HSP90AA1: variants seen among roughly 807,000 people sequenced by gnomAD.
The protein encoded by HSP90AA1 is heat shock protein 90 alpha family class A member 1.
A neutral mutation model predicts 73.3 loss-of-function variants in HSP90AA1; 18 were observed. The ratio of observed to expected loss-of-function variants is 0.25; its 90% CI spans 0.17 to 0.36. The LOEUF is 0.36. HSP90AA1 is among the 10% of genes least tolerant of loss of function. The pLI is 1.00. For missense variants in HSP90AA1, 704 were observed against 874.2 expected, an observed-to-expected ratio of 0.81 and a Z score of 2.45; for synonymous variants, 477 against 296.9, an observed-to-expected ratio of 1.61 and a Z score of -6.24.
intron 1 of HSP90AA1, among the ~76,000 whole-genome samples, chr14:102,103,531 T>C (rs779360443): frequency 5.3e-5 from 8 of 151,474 alleles, no homozygotes; most frequent in Non-Finnish European, 1.0e-4. Context: ...CGGCTGGGTG[T>C]GGTGGCTCAT....
chr14:102,096,403 T>C (rs1036006806), intron 2 of HSP90AA1, among the ~76,000 whole-genome samples: 1 of 152,186 alleles, frequency 6.6e-6, no homozygotes, highest in African/African-American at 2.4e-5. Context: ...ACAGCATTCC[T>C]TTTCATTCAC....
intron 1 of HSP90AA1, among the ~76,000 whole-genome samples, chr14:102,130,794 A>G (rs1256550795): frequency 2.0e-5 from 3 of 152,086 alleles, no homozygotes; most frequent in African/African-American, 7.2e-5. Context: ...TAGTGGTGCA[A>G]TCACAGCTCA....
At chr14:102,107,574 T>G (rs2049585411) in intron 1 of HSP90AA1, among the ~76,000 whole-genome samples, 1 of 152,014 alleles carries the variant, frequency 6.6e-6, no homozygotes, top group Admixed American at 6.6e-5. Context: ...CCACCTGCCT[T>G]GGCCTCCCAA....
rs1390112706 is a variant in HSP90AA1 at position 102,083,021 on chromosome 14, T to C, written c.1755+13A>G. The C allele has an allele frequency of 1.2e-6, 2 of 1,611,556 alleles. No homozygotes were observed. The highest frequency in any genetic ancestry group is 1.7e-6 in the Non-Finnish European group (2 of 1,177,786). ...AGAAGTATCAATGATCAGGAAATGC[T>C]GTATTCACATACCTTTTCAACTTTT... is the stretch of plus-strand genomic sequence containing the variant. On this transcript the variant is annotated intron_variant, in intron 9 of 10. Coordinates refer to ENST00000216281, the MANE Select transcript of HSP90AA1 (RefSeq NM_005348.4).
At position 102,083,992 on chromosome 14, in the gene HSP90AA1, A is replaced by AAT. The variant is rs747667868; in HGVS notation, c.1148-11_1148-10dup. On this transcript the variant is annotated splice_polypyrimidine_tract_variant and intron_variant, in intron 6 of 10. Transcript: ENST00000216281. ...CACCCCTCTAATGAAGTCTGAAAAA[A>AAT]ATATAAACCAAATGCACTGAGTCAT... 14 of 1,606,314 alleles carry AAT rather than the reference A, an allele frequency of 8.7e-6. No homozygotes were observed. Among genetic ancestry groups the AAT allele is most frequent in the Non-Finnish European group, 6.0e-6 (7 of 1,172,950 alleles).
intron 2 of HSP90AA1, chr14:102,101,851 A>C: frequency 6.3e-7 from 1 of 1,582,960 alleles, no homozygotes; most frequent in Non-Finnish European, 8.7e-7. Context: ...TTAGGATAGT[A>C]ATTTTAAACC....
At chr14:102,137,269 GTTTGAAA>G (rs2050013645) in intron 1 of HSP90AA1, among the ~76,000 whole-genome samples, 1 of 151,532 alleles carries the variant, frequency 6.6e-6, no homozygotes, top group Admixed American at 6.6e-5. Flanking sequence ...TAAATTCCCG[GTTTGAAA>G]TTGAAAATCA....
At chr14:102,095,472 C>T (rs1362711886) in intron 2 of HSP90AA1, among the ~76,000 whole-genome samples, 2 of 152,146 alleles carry the variant, frequency 1.3e-5, no homozygotes, top group African/African-American at 2.4e-5. Flanking sequence ...GACAGATGTG[C>T]GTGAGCCCCT....
chr14:102,111,152 G>C (rs547801472), intron 1 of HSP90AA1, among the ~76,000 whole-genome samples: 1 of 152,356 alleles, frequency 6.6e-6, no homozygotes, highest in Non-Finnish European at 1.5e-5. Flanking sequence ...TAAGTAACGA[G>C]GAGCTGAATG....
chr14:102,081,811 T>G lies in HSP90AA1; in HGVS notation c.2100A>C (p.Glu700Asp). 6.8e-7 allele frequency: 1 copy of G among 1,477,402 alleles called. No homozygotes were observed. Among genetic ancestry groups the G allele is most frequent in the Non-Finnish European group, 9.5e-7 (1 of 1,055,474 alleles). 91.5% of individuals were successfully genotyped at this position (1,477,402 alleles called of 1,614,324 possible). Residue 700 changes from glutamate (E) to aspartate (D), a missense_variant, in exon 11 of 11, where the codon GAA (glutamate) becomes GAC (aspartate). By Grantham distance (45) the Glu-to-Asp change is conservative. Coordinates refer to ENST00000216281, the MANE Select transcript of HSP90AA1 (RefSeq NM_005348.4). ...RMIKLGLGID[E>D]DDPTADDTSA... ...TGGTATCATCAGCAGTAGGGTCATCTTCATCAATACCTGTTTCCAAAATAA... is the reference window on the plus strand; with the variant it reads ...TGGTATCATCAGCAGTAGGGTCATCGTCATCAATACCTGTTTCCAAAATAA...
At chr14:102,093,465 C>T (rs1226110108) in intron 2 of HSP90AA1, among the ~76,000 whole-genome samples, 11 of 138,880 alleles carry the variant, frequency 7.9e-5, no homozygotes, top group Admixed American at 3.0e-4. Flanking sequence ...AGCCTGGTGA[C>T]AGAGCAAGAC....
In HSP90AA1 at chr14:102,119,709, G is replaced by A. The variant is rs190726598; in HGVS notation, c.156-17624C>T. On this transcript the variant is annotated intron_variant, in intron 1 of 11. Transcript: ENST00000334701. ...TCACCATGTTGGCCAGGGTGGTCTCGATCTCCTGACCTTGTGCTCCGCCCG... is the reference window on the plus strand; with the variant it reads ...TCACCATGTTGGCCAGGGTGGTCTCAATCTCCTGACCTTGTGCTCCGCCCG... Among the ~76,000 whole-genome samples the A allele has an allele frequency of 1.2e-4, 19 of 152,142 alleles. No homozygotes were observed. The East Asian group carries it at 3.7e-3, about 30-fold the overall frequency.
At chr14:102,082,998 AAGTATC>A in intron 9 of HSP90AA1, 30 bp downstream of exon 9, 1 of 1,596,650 alleles carries the variant, frequency 6.3e-7, no homozygotes, top group Non-Finnish European at 8.6e-7. Context: ...AGCACCTTAG[AAGTATC>A]AATGATCAGG....
At position 102,086,338 on chromosome 14, in the gene HSP90AA1, T is replaced by C. The variant is rs1345285215; in HGVS notation, c.41A>G (p.Glu14Gly). 1 of 1,614,024 alleles carries C rather than the reference T, an allele frequency of 6.2e-7. No individual in the cohort carries two copies. Among genetic ancestry groups the C allele is most frequent in the Non-Finnish European group, 8.5e-7 (1 of 1,180,034 alleles). ...AAAGGCGAACGTCTCAACCTCCTCC[T>C]CCTCCATCGGTTGGTCTTGGGTCTG... ...ETQTQDQPME[E>G]EEVETFAFQA... Residue 14 changes from glutamate (E) to glycine (G), a missense_variant, in exon 2 of 11, where the codon GAG (glutamate) becomes GGG (glycine). By Grantham distance (98) the Glu-to-Gly change is moderately conservative. Transcript: ENST00000216281.
In HSP90AA1 at chr14:102,083,830, T is replaced by C. The variant is rs1056629253; in HGVS notation, c.1301A>G (p.Tyr434Cys). Residue 434 changes from tyrosine (Y) to cysteine (C), a missense_variant, in exon 7 of 11, where the codon TAC (tyrosine) becomes TGC (cysteine). Physicochemically the swap from Tyr to Cys is radical, Grantham distance 194 (BLOSUM62 -2). Coordinates refer to ENST00000216281, the MANE Select transcript of HSP90AA1 (RefSeq NM_005348.4). ...FTELAEDKEN[Y>C]KKFYEQFSKN... ...AGAGAACTGCTCATAGAATTTCTTG[T>C]AGTTCTCTTTATCTTCCGCCAGTTC... is the stretch of plus-strand genomic sequence containing the variant. The C allele has an allele frequency of 6.2e-7, 1 of 1,613,862 alleles. No homozygotes were observed. The highest frequency in any genetic ancestry group is 1.7e-4 in the Middle Eastern group (1 of 6,056).
At chr14:102,139,629 C>G in exon 1 of HSP90AA1, 1 of 644,162 alleles carries the variant, frequency 1.6e-6, no homozygotes, top group Non-Finnish European at 2.6e-6. Context: ...CAACTAGACC[C>G]CACTAGCTGA....
chr14:102,086,915 C>G (rs982003078), intron 1 of HSP90AA1, 71 bp downstream of exon 1: 1 of 889,088 alleles, frequency 1.1e-6, no homozygotes, highest in Non-Finnish European at 1.3e-6. Context: ...CCCACAGCCT[C>G]CGCCCCGCGC....
intron 2 of HSP90AA1, among the ~76,000 whole-genome samples, chr14:102,100,815 A>G (rs746816551): frequency 3.3e-5 from 5 of 152,192 alleles, no homozygotes; most frequent in Non-Finnish European, 5.9e-5. Context: ...CTATCACTCT[A>G]TGTGACTTTG....
intron 1 of HSP90AA1, among the ~76,000 whole-genome samples, chr14:102,130,222 G>A (rs540372725): frequency 6.6e-6 from 1 of 152,160 alleles, no homozygotes; most frequent in South Asian, 2.1e-4. Context: ...ACCTGCCTCG[G>A]CCTCCCAAAA....
Sources: gnomAD v4.1 joint callset for allele counts (sites outside exome capture counted in the v4.1 genomes callset) on GRCh38, gnomAD v4.1.1 for gene constraint, MANE v1.5 for transcripts, NCBI Gene and HGNC (gene_info 2026-07-23, HGNC 2026-07-21) for gene names.